Variants in CSMD3 observed in about 807,000 individuals in gnomAD.
The protein encoded by CSMD3 is CUB and Sushi multiple domains 3.
In CSMD3, 177 loss-of-function variants were observed where a neutral mutation model predicts 435.2. That is an observed-to-expected ratio of 0.41 (90% CI 0.36 to 0.46). The LOEUF is 0.46. CSMD3 is among the 20% of genes least tolerant of loss of function. CSMD3 has a pLI of 0.34. For missense variants in CSMD3, 4,265 were observed against 4,504.6 expected (o/e 0.95, Z 1.52); for synonymous variants, 1,656 against 1,520.5 (o/e 1.09, Z -2.07).
chr8:112,395,548 G>A (rs1021402402), intron 35 of CSMD3, among the ~76,000 whole-genome samples: 8 of 152,054 alleles, frequency 5.3e-5, no homozygotes, highest in Admixed American at 1.3e-4. Flanking sequence ...TTCTTTCTGG[G>A]TCTCTAAAGA....
chr8:112,354,981 C>G (rs1826456368), intron 38 of CSMD3, among the ~76,000 whole-genome samples: 1 of 152,164 alleles, frequency 6.6e-6, no homozygotes, highest in Admixed American at 6.6e-5. Context: ...ACCAAAACAG[C>G]ATGGTACTGG....
intron 1 of CSMD3, among the ~76,000 whole-genome samples, chr8:113,340,051 A>G (rs2094107522): frequency 6.6e-6 from 1 of 152,038 alleles, no homozygotes; most frequent in African/African-American, 2.4e-5. Context: ...TTTGAAGTAT[A>G]TAACATATCT....
intron 27 of CSMD3, among the ~76,000 whole-genome samples, chr8:112,529,369 G>T (rs1004603276): frequency 2.6e-5 from 4 of 152,028 alleles, no homozygotes. Flanking sequence ...TATTTGAAAG[G>T]CCGAGTTCAG....
chr8:112,891,113 C>T (rs1210220658), intron 10 of CSMD3, among the ~76,000 whole-genome samples: 2 of 151,550 alleles, frequency 1.3e-5, no homozygotes, highest in African/African-American at 2.4e-5. Context: ...CAAAGCCACA[C>T]GACAGACCTC....
chr8:113,122,254 T>C (rs938380369), intron 4 of CSMD3, among the ~76,000 whole-genome samples: 7 of 152,142 alleles, frequency 4.6e-5, no homozygotes, highest in African/African-American at 1.4e-4. Context: ...CATAAGTCTA[T>C]ATTACATTTG....
chr8:113,198,434 A>T (rs1240561461), intron 3 of CSMD3, among the ~76,000 whole-genome samples: 1 of 151,350 alleles, frequency 6.6e-6, no homozygotes, highest in Admixed American at 6.6e-5. Context: ...GGTGACCTTC[A>T]GCAAGATTTT....
At chr8:113,075,796 G>GA (rs1171901101) in intron 5 of CSMD3, among the ~76,000 whole-genome samples, 5 of 151,580 alleles carry the variant, frequency 3.3e-5, no homozygotes, top group African/African-American at 7.2e-5. Context: ...AATAATAGAT[G>GA]AAAAAAAATT....
chr8:112,386,465 A>G (rs909210566), intron 36 of CSMD3, among the ~76,000 whole-genome samples: 2 of 152,134 alleles, frequency 1.3e-5, no homozygotes, highest in Admixed American at 6.6e-5. Context: ...TCGAGTACTC[A>G]CTATGACAGA....
intron 13 of CSMD3, among the ~76,000 whole-genome samples, chr8:112,767,253 G>T (rs1359819405): frequency 6.6e-6 from 1 of 151,884 alleles, no homozygotes; most frequent in Non-Finnish European, 1.5e-5. Context: ...ACAATAATTT[G>T]ACATTGGGCT....
intron 32 of CSMD3, among the ~76,000 whole-genome samples, chr8:112,435,204 T>A (rs1814192971): frequency 6.6e-6 from 1 of 152,094 alleles, no homozygotes; most frequent in African/African-American, 2.4e-5. Flanking sequence ...TTATTTTTCT[T>A]GAAAATAGAG....
intron 36 of CSMD3, among the ~76,000 whole-genome samples, chr8:112,385,994 G>T (rs544236827): frequency 1.3e-5 from 2 of 152,206 alleles, no homozygotes; most frequent in African/African-American, 4.8e-5. Flanking sequence ...CTTGAGAAAG[G>T]GGAAAAGAGG....
At chr8:112,954,825 A>G in intron 7 of CSMD3, 64 bp from the exon 8 acceptor site, 4 of 1,046,606 alleles carry the variant, frequency 3.8e-6, no homozygotes, top group Non-Finnish European at 5.8e-6. Context: ...AATTCAAGTT[A>G]ACAAATTTTG....
At chr8:112,262,170 A>T (rs1435245973) in intron 61 of CSMD3, among the ~76,000 whole-genome samples, 1 of 151,972 alleles carries the variant, frequency 6.6e-6, no homozygotes, top group Non-Finnish European at 1.5e-5. Context: ...GCACTGATTT[A>T]TTTGTTGTGG....
chr8:112,552,440 C>T (rs778407494), intron 26 of CSMD3, among the ~76,000 whole-genome samples, 154 bp downstream of exon 26: 1 of 152,032 alleles, frequency 6.6e-6, no homozygotes, highest in African/African-American at 2.4e-5. Context: ...GAGCCGAGAT[C>T]GAGCCCTGCC....
At chr8:113,294,659 G>T (rs1268319039) in intron 2 of CSMD3, among the ~76,000 whole-genome samples, 1 of 152,076 alleles carries the variant, frequency 6.6e-6, no homozygotes, top group Non-Finnish European at 1.5e-5. Flanking sequence ...CTTCAGTGAG[G>T]TGACAAATCT....
chr8:113,069,057 G>T (rs569467256), intron 5 of CSMD3, among the ~76,000 whole-genome samples: 181 of 151,870 alleles, frequency 1.2e-3, no homozygotes, highest in East Asian at 4.8e-3. Context: ...AAAAAAGGAG[G>T]ATTAGAGACG....
chr8:112,614,213 G>A (rs114652200), intron 22 of CSMD3, among the ~76,000 whole-genome samples: 2,578 of 152,226 alleles, frequency 0.017, 74 homozygotes, highest in African/African-American at 0.059. Context: ...GAAATGGCAA[G>A]GGGAACCCTG....
intron 1 of CSMD3, among the ~76,000 whole-genome samples, chr8:113,340,155 T>A (rs903373185): frequency 1.3e-5 from 2 of 152,058 alleles, no homozygotes; most frequent in Non-Finnish European, 1.5e-5. Context: ...CTTAATCAAG[T>A]AGGTGTTTTT....
intron 1 of CSMD3, among the ~76,000 whole-genome samples, chr8:113,423,868 T>C (rs76190967): frequency 0.018 from 2,737 of 151,940 alleles, 91 homozygotes; most frequent in African/African-American, 0.06. Flanking sequence ...ACTAATTTCA[T>C]TGAAATTATC....
Sources: gnomAD v4.1 joint callset for allele counts (sites outside exome capture counted in the v4.1 genomes callset) on GRCh38, gnomAD v4.1.1 for gene constraint, MANE v1.5 for transcripts, NCBI Gene and HGNC (gene_info 2026-07-23, HGNC 2026-07-21) for gene names.